Variants in ZSWIM5 observed in about 807,000 individuals in gnomAD.
ZSWIM5 encodes zinc finger SWIM-type containing 5, also known as zinc finger SWIM domain-containing protein 5.
In ZSWIM5, 55 loss-of-function variants were observed where a neutral mutation model predicts 119.6. That is an observed-to-expected ratio of 0.46 (90% CI 0.37 to 0.58). The LOEUF (loss-of-function observed/expected upper bound fraction) is 0.58, where lower values mean the gene tolerates loss of function less well. Among genes scored for constraint, ZSWIM5 ranks in the 20% least tolerant of loss-of-function variants. The probability of loss-of-function intolerance (pLI) is 0.00; values close to 1 mark genes in which losing one functional copy is unlikely to be tolerated. For missense variants in ZSWIM5, 1,193 were observed against 1,512.8 expected, an observed-to-expected ratio of 0.79 and a Z score of 3.51; for synonymous variants, 537 against 606.9, an observed-to-expected ratio of 0.88 and a Z score of 1.69.
intron 4 of ZSWIM5, among the ~76,000 whole-genome samples, chr1:45,052,877 T>C (rs1298834444): frequency 6.6e-6 from 1 of 151,992 alleles, no homozygotes; most frequent in Non-Finnish European, 1.5e-5. Flanking sequence ...ATCCTAGCCC[T>C]GTGGGAGGCT....
At chr1:45,103,910 G>T (rs1029531377) in intron 1 of ZSWIM5, among the ~76,000 whole-genome samples, 4 of 152,196 alleles carry the variant, frequency 2.6e-5, no homozygotes, top group African/African-American at 9.7e-5. Flanking sequence ...GATTCACCAG[G>T]CCCCTAGGCA....
intron 1 of ZSWIM5, among the ~76,000 whole-genome samples, chr1:45,107,499 G>A (rs757814640): frequency 5.3e-5 from 8 of 151,770 alleles, no homozygotes; most frequent in East Asian, 1.9e-4. Flanking sequence ...AAAATTAGCC[G>A]GGCCTGGTGG....
At chr1:45,177,843 G>T (rs1645990306) in intron 1 of ZSWIM5, among the ~76,000 whole-genome samples, 1 of 151,980 alleles carries the variant, frequency 6.6e-6, no homozygotes, top group African/African-American at 2.4e-5. Context: ...AAACAACACT[G>T]AGTTTTGTGA....
rs191354399 is a variant in ZSWIM5 at position 45,085,508 on chromosome 1, A to G, written c.952+2373T>C. On this transcript the variant is annotated intron_variant, in intron 2 of 13. Coordinates refer to ENST00000359600, the MANE Select transcript of ZSWIM5 (RefSeq NM_020883.2). ...TGTTTCCCTTTTAAATATAAGTTCT[A>G]GTTTTAGGTTAGTTTGTTTGTTTTT... is the stretch of plus-strand genomic sequence containing the variant. Among the ~76,000 whole-genome samples the G allele has an allele frequency of 1.7e-3, 241 of 142,952 alleles. 1 individual carries two copies. Among genetic ancestry groups the G allele is most frequent in the African/African-American group, 6.0e-3 (229 of 38,166 alleles). The allele number at this position is 142,952 out of a possible 152,430, so 93.8% of individuals were successfully genotyped here.
chr1:45,074,314 T>A (rs2149005992), intron 2 of ZSWIM5, among the ~76,000 whole-genome samples: 1 of 152,092 alleles, frequency 6.6e-6, no homozygotes, highest in Admixed American at 6.5e-5. Flanking sequence ...TTGGTATTAA[T>A]CCTTCTTTAA....
intron 2 of ZSWIM5, among the ~76,000 whole-genome samples, chr1:45,065,146 A>G (rs529762201): frequency 1.5e-4 from 23 of 152,354 alleles, no homozygotes; most frequent in African/African-American, 5.5e-4. Context: ...TCTAACTCCT[A>G]ACAATTCTGG....
chr1:45,053,244 A>G (rs1645100599), intron 4 of ZSWIM5, among the ~76,000 whole-genome samples: 1 of 152,208 alleles, frequency 6.6e-6, no homozygotes, highest in South Asian at 2.1e-4. Flanking sequence ...GTGTAGAAAC[A>G]GATTTTCATA....
Position 45,068,456 on chromosome 1 carries a change from A to G in ZSWIM5, c.953-8209T>C, listed in dbSNP as rs576819497. Among the ~76,000 whole-genome samples the G allele has an allele frequency of 7.3e-5, 11 of 150,388 alleles. No homozygotes were observed. In the South Asian group the frequency reaches 2.3e-3, roughly 32 times the overall value. On this transcript the variant is annotated intron_variant, in intron 2 of 13. Transcript: ENST00000359600. Reference sequence around the variant, plus strand: ...ATGTACGGTGAGCTGAAATCATGCCATTGCACTCCAGTCTGGGCAACGAGA... The same window carrying G: ...ATGTACGGTGAGCTGAAATCATGCCGTTGCACTCCAGTCTGGGCAACGAGA...
At chr1:45,027,407 A>T (rs1218758568) in intron 11 of ZSWIM5, among the ~76,000 whole-genome samples, 1 of 151,278 alleles carries the variant, frequency 6.6e-6, no homozygotes, top group Non-Finnish European at 1.5e-5. Context: ...TAATTAATTA[A>T]TTTTTTTTGA....
At chr1:45,086,684 T>C (rs1179590655) in intron 2 of ZSWIM5, among the ~76,000 whole-genome samples, 1 of 151,834 alleles carries the variant, frequency 6.6e-6, no homozygotes, top group Admixed American at 6.6e-5. Context: ...CTAATGTAAA[T>C]GATGAGTTAA....
chr1:45,071,406 G>A (rs1255808214), intron 2 of ZSWIM5, among the ~76,000 whole-genome samples: 2 of 147,192 alleles, frequency 1.4e-5, no homozygotes, highest in Non-Finnish European at 3.0e-5. Context: ...ATTTCACCTA[G>A]CATAATAACC....
chr1:45,080,005 C>A (rs997170288), intron 2 of ZSWIM5, among the ~76,000 whole-genome samples: 1 of 152,150 alleles, frequency 6.6e-6, no homozygotes, highest in African/African-American at 2.4e-5. Flanking sequence ...AGATGCAAGA[C>A]AAACTCATCC....
chr1:45,053,750 G>A (rs537080687), intron 4 of ZSWIM5, among the ~76,000 whole-genome samples: 19 of 111,310 alleles, frequency 1.7e-4, no homozygotes, highest in East Asian at 1.2e-3. Context: ...GCGACAGAGC[G>A]AGACTCTGTT....
At chr1:45,202,249 T>C (rs1358064397) in intron 1 of ZSWIM5, among the ~76,000 whole-genome samples, 1 of 152,058 alleles carries the variant, frequency 6.6e-6, no homozygotes, top group Admixed American at 6.6e-5. Context: ...CCAAACAATA[T>C]AGATTAAAAC....
In ZSWIM5 at chr1:45,206,405, A is replaced by G; in HGVS notation, c.-55T>C. ...GCGGCGGCTGCTCGGGCTGCGGCGG[A>G]GACCCTGGCCACGGCCACGCGCCCC... On this transcript the variant is annotated 5_prime_UTR_variant, in exon 1 of 14. Coordinates refer to ENST00000359600, the MANE Select transcript of ZSWIM5 (RefSeq NM_020883.2). 7.5e-7 allele frequency: 1 copy of G among 1,340,326 alleles called. No individual in the cohort carries two copies. Among genetic ancestry groups the G allele is most frequent in the Admixed American group, 3.9e-5 (1 of 25,620 alleles). The allele number at this position is 1,340,326 out of a possible 1,614,324, so 83.0% of individuals were successfully genotyped here.
chr1:45,042,629 AG>A (rs1280027137), intron 6 of ZSWIM5, among the ~76,000 whole-genome samples: 1 of 152,226 alleles, frequency 6.6e-6, no homozygotes, highest in Non-Finnish European at 1.5e-5. Flanking sequence ...TATTTTAAAA[AG>A]AATGTCTCTT....
chr1:45,148,638 G>A (rs944730500), intron 1 of ZSWIM5, among the ~76,000 whole-genome samples: 1 of 152,154 alleles, frequency 6.6e-6, no homozygotes, highest in South Asian at 2.1e-4. Flanking sequence ...CATGCTGTGG[G>A]CTATTTCTTT....
At chr1:45,167,039 AGCTGGAG>A (rs1301343610) in intron 1 of ZSWIM5, among the ~76,000 whole-genome samples, 3 of 152,170 alleles carry the variant, frequency 2.0e-5, no homozygotes, top group South Asian at 4.1e-4. Context: ...AAAAGAACAA[AGCTGGAG>A]GCATCATGCT....
rs1266325739 is a variant in ZSWIM5 at position 45,018,348 on chromosome 1, C to T, written c.*106G>A. ...CCCTGTGGTCCTTTGGCCTCATCCACAGGTGCTCAGAGTTCTCTCAGGGTG... is the reference window on the plus strand; with the variant it reads ...CCCTGTGGTCCTTTGGCCTCATCCATAGGTGCTCAGAGTTCTCTCAGGGTG... On this transcript the variant is annotated 3_prime_UTR_variant, in exon 14 of 14. Transcript: ENST00000359600. This position sits in a 1 kb window ranked among gnomAD's most constrained non-coding sequence, Gnocchi z 6.7. 1 of 1,421,222 alleles carries T rather than the reference C, an allele frequency of 7.0e-7. No individual in the cohort carries two copies. The highest frequency in any genetic ancestry group is 9.5e-7 in the Non-Finnish European group (1 of 1,047,868). 88.0% of individuals were successfully genotyped at this position (1,421,222 alleles called of 1,614,324 possible). A position where few individuals can be genotyped will look rare whatever the true frequency, so the allele number is the denominator to read the frequency against.
Sources: allele counts gnomAD v4.1 joint callset (sites outside exome capture counted in the v4.1 genomes callset), GRCh38; gene constraint gnomAD v4.1.1; non-coding constraint Gnocchi (gnomAD v3.1); transcripts MANE v1.5; gene names NCBI Gene and HGNC (gene_info 2026-07-23, HGNC 2026-07-21).